The following CLSPN variants were observed in gnomAD, a reference collection of about 807,000 sequenced individuals.
CLSPN encodes the protein claspin homolog.
Under a neutral mutation model 156.3 loss-of-function variants are expected in CLSPN, and 85 were observed. The ratio of observed to expected loss-of-function variants is 0.54; its 90% CI spans 0.46 to 0.65. The LOEUF (loss-of-function observed/expected upper bound fraction) is 0.65, where lower values mean the gene tolerates loss of function less well. Among genes scored for constraint, CLSPN ranks in the 30% least tolerant of loss-of-function variants. CLSPN has a pLI of 0.00. For synonymous variants in CLSPN, 534 were observed against 542.4 expected (o/e 0.98, Z 0.22); for missense variants, 1,407 against 1,554.9 (o/e 0.90, Z 1.60).
At position 35,760,646 on chromosome 1, in the gene CLSPN, G is replaced by A; in HGVS notation, c.1275C>T (p.Ser425=). Residue 425 remains serine (S), a synonymous_variant, in exon 8 of 25, where the codon AGC becomes AGT. Transcript: ENST00000318121. ...QSDIRPSPGD[S]SVLQQESNFL... ...AGTTGGATTCCTGTTGCAACACTGAGCTGTCCCCAGGTGAAGGTCTAATGT... is the reference window on the plus strand; with the variant it reads ...AGTTGGATTCCTGTTGCAACACTGAACTGTCCCCAGGTGAAGGTCTAATGT... The A allele has an allele frequency of 6.2e-7, 1 of 1,614,152 alleles. No individual in the cohort carries two copies. The highest frequency in any genetic ancestry group is 8.5e-7 in the Non-Finnish European group (1 of 1,180,032).
At position 35,724,003 on chromosome 1, in the gene CLSPN, T is replaced by C. The variant is rs189632068; in HGVS notation, c.3910-3023A>G. Among the ~76,000 whole-genome samples, 50 of 152,022 alleles carry C rather than the reference T, an allele frequency of 3.3e-4. 1 individual carries two copies. Among genetic ancestry groups the C allele is most frequent in the Admixed American group, 2.6e-3 (40 of 15,266 alleles). ...CAGACCCTGTCTCAAAGAAAAGGAA[T>C]AGACAGAAGAGTGGGCTATAACAAT... On this transcript the variant is annotated intron_variant, in intron 24 of 24. Transcript: ENST00000251195.
rs778356330 is a variant in CLSPN, at chr1:35,745,544, G to T, written c.2873C>A (p.Ser958Ter). The T allele has an allele frequency of 8.7e-5, 140 of 1,613,180 alleles. No homozygotes were observed. ...FTSQDASTPA[S>*]SELNKQEKES... is the part of the protein sequence containing the mutation. ...CTTCTCCTGTTTATTTAACTCTGATGAGGCTGGAGTGGAGGCATCTACATC... is the reference window on the plus strand; with the variant it reads ...CTTCTCCTGTTTATTTAACTCTGATTAGGCTGGAGTGGAGGCATCTACATC... The change falls in exon 16 of 25, where the codon TCA becomes TAA. Residue 958 changes from serine (S) to a stop codon, truncating the protein, a stop_gained. Coordinates refer to ENST00000318121, the MANE Select transcript of CLSPN (RefSeq NM_022111.4). LOFTEE classifies it high-confidence loss of function.
Position 35,738,461 on chromosome 1 carries a change from C to A in CLSPN, c.3552G>T (p.Arg1184=), listed in dbSNP as rs1442341756. 1.2e-5 allele frequency: 19 copies of A among 1,613,626 alleles called. No individual in the cohort carries two copies. Among genetic ancestry groups the A allele is most frequent in the Non-Finnish European group, 1.5e-5 (18 of 1,179,784 alleles). The change falls in exon 21 of 25, where the codon CGG becomes CGT. Residue 1184 remains arginine, a synonymous_variant. Coordinates refer to ENST00000318121, the MANE Select transcript of CLSPN (RefSeq NM_022111.4). ...AGAGTAGGTGAACTCCTACCATGTC[C>A]CGAAGCCACTGCTCTCGTTCAATTC... The part of the protein sequence containing the change: ...KERIEREQWL[R]DMAQQGKITA...
chr1:35,729,420 C>T (rs958056129), downstream of CLSPN, among the ~76,000 whole-genome samples: 39 of 152,174 alleles, frequency 2.6e-4, no homozygotes, highest in African/African-American at 9.2e-4. Flanking sequence ...CTCCCTTTTC[C>T]CATTATGAAT....
In CLSPN at chr1:35,735,177, T is replaced by C. The variant is rs7530222; in HGVS notation, c.*1319A>G. 0.099 allele frequency: 97,885 copies of C among 985,220 alleles called. 8,517 individuals carry two copies. Among genetic ancestry groups the C allele is most frequent in the East Asian group, 0.71 (6,221 of 8,806 alleles). 61.0% of individuals were successfully genotyped at this position (985,220 alleles called of 1,614,324 possible). A position where few individuals can be genotyped will look rare whatever the true frequency, so the allele number is the denominator to read the frequency against. On this transcript the variant is annotated 3_prime_UTR_variant, in exon 25 of 25. Transcript: ENST00000318121. The stretch of plus-strand genomic sequence containing the variant: ...TGAGAATTCAGTCCCAGGAAGGGTC[T>C]CTCTGCCCCACAGACTGTGGTGGAC...
intron 24 of CLSPN, 90 bp downstream of exon 24, chr1:35,736,824 G>A (rs1641490944): frequency 6.9e-7 from 1 of 1,443,224 alleles, no homozygotes; most frequent in African/African-American, 1.4e-5. Context: ...TTGCAGCATA[G>A]AGGTTAAGCC....
rs778141173 is a variant in CLSPN, at chr1:35,749,698, A to C, written c.2142T>G (p.Ser714=). Reference sequence around the variant, plus strand: ...AATCTGATGAGAGAGACTTGGGAACAGAGAGGAAGCCAACTGCCTTGCCAA... The same window carrying C: ...AATCTGATGAGAGAGACTTGGGAACCGAGAGGAAGCCAACTGCCTTGCCAA... The part of the protein sequence containing the change: ...SEIGKAVGFL[S]VPKSLSSDST... Residue 714 remains serine, a synonymous_variant, in exon 11 of 25, where the codon TCT becomes TCG. Coordinates refer to ENST00000318121, the MANE Select transcript of CLSPN (RefSeq NM_022111.4). The C allele has an allele frequency of 2.5e-6, 4 of 1,614,076 alleles. No individual in the cohort carries two copies. The highest frequency in any genetic ancestry group is 3.4e-6 in the Non-Finnish European group (4 of 1,180,016).
intron 22 of CLSPN, 64 bp downstream of exon 22, chr1:35,737,928 C>T: frequency 1.1e-6 from 1 of 882,042 alleles, no homozygotes; most frequent in Non-Finnish European, 1.7e-6. Flanking sequence ...AGGTTAGAGT[C>T]ACCTCCAAAG....
At chr1:35,756,363 G>A (rs1356372415) in intron 8 of CLSPN, among the ~76,000 whole-genome samples, 1 of 152,150 alleles carries the variant, frequency 6.6e-6, no homozygotes, top group African/African-American at 2.4e-5. Flanking sequence ...TAGTAGTCAG[G>A]CAAGAGGTAT....
At chr1:35,751,154 T>C in intron 10 of CLSPN, 96 bp downstream of exon 10, 4 of 1,488,734 alleles carry the variant, frequency 2.7e-6, no homozygotes, top group Non-Finnish European at 3.6e-6. Flanking sequence ...AAACCTCTTA[T>C]ACAATTGAAC....
At position 35,736,388 on chromosome 1, in the gene CLSPN, T is replaced by C. The variant is rs1641472569; in HGVS notation, c.*108A>G. 6.9e-7 allele frequency: 1 copy of C among 1,441,300 alleles called. No homozygotes were observed. Among genetic ancestry groups the C allele is most frequent in the Admixed American group, 2.7e-5 (1 of 37,418 alleles). 89.3% of individuals were successfully genotyped at this position (1,441,300 alleles called of 1,614,324 possible). On this transcript the variant is annotated 3_prime_UTR_variant, in exon 25 of 25. Coordinates refer to ENST00000318121, the MANE Select transcript of CLSPN (RefSeq NM_022111.4). ...AATTTCTGTCTGCAATCTTATTGCA[T>C]TGATTATGAAAGAAGGAAGGATCAT...
At chr1:35,726,914 C>A (rs1043533555) in intron 24 of CLSPN, among the ~76,000 whole-genome samples, 1 of 152,130 alleles carries the variant, frequency 6.6e-6, no homozygotes, top group African/African-American at 2.4e-5. Context: ...GGTGAACACC[C>A]TAAGGGAGGT....
chr1:35,756,554 A>G (rs967606297), intron 8 of CLSPN, among the ~76,000 whole-genome samples: 2 of 151,994 alleles, frequency 1.3e-5, no homozygotes, highest in African/African-American at 4.8e-5. Context: ...CTCATCCTCC[A>G]TCACCTCTCA....
Position 35,763,323 on chromosome 1 carries a change from TA to T in CLSPN, c.583-3del. On this transcript the variant is annotated splice_polypyrimidine_tract_variant and splice_region_variant and intron_variant, in intron 3 of 24. Transcript: ENST00000318121. ...AAATGGCTGTTCTACATCATCTTCC[TA>T]AGTAATACATAAACAAAAAGCATAA... The T allele has an allele frequency of 1.3e-6, 2 of 1,576,208 alleles. No homozygotes were observed. The highest frequency in any genetic ancestry group is 3.7e-4 in the Middle Eastern group (2 of 5,340).
In CLSPN at chr1:35,763,195, T is replaced by G. The variant is rs1469466283; in HGVS notation, c.709A>C (p.Arg237=). The change falls in exon 4 of 25, where the codon AGA becomes CGA. Residue 237 remains arginine, a synonymous_variant. Coordinates refer to ENST00000318121, the MANE Select transcript of CLSPN (RefSeq NM_022111.4). ...TTTACTTTGTTTTTTACAGCTGCTC[T>G]TATTGATTCTAATGACTCTTCATCT... ...LEDEESLESI[R]AAVKNKVKKH... 2 of 1,599,312 alleles carry G rather than the reference T, an allele frequency of 1.3e-6. No homozygotes were observed. The highest frequency in any genetic ancestry group is 1.4e-5 in the African/African-American group (1 of 73,936).
Position 35,734,652 on chromosome 1 carries a change from TA to T in CLSPN, c.*1843del. On this transcript the variant is annotated 3_prime_UTR_variant, in exon 25 of 25. Coordinates refer to ENST00000318121, the MANE Select transcript of CLSPN (RefSeq NM_022111.4). ...GAGATCATGCCATTGTATTCCAGCC[TA>T]GGTGACAGAGCCAGCCTATGTCTCA... The T allele has an allele frequency of 1.6e-6, 1 of 617,944 alleles. No homozygotes were observed. The highest frequency in any genetic ancestry group is 2.0e-6 in the Non-Finnish European group (1 of 511,506). The allele number at this position is 617,944 out of a possible 1,614,324, so 38.3% of individuals were successfully genotyped here.
intron 1 of CLSPN, among the ~76,000 whole-genome samples, chr1:35,767,449 A>G (rs1642714487): frequency 1.3e-5 from 2 of 152,348 alleles, no homozygotes; most frequent in South Asian, 4.1e-4. Flanking sequence ...TGACTTGAAA[A>G]TACAGGTTGA....
intron 3 of CLSPN, 140 bp downstream of exon 3, chr1:35,764,126 C>A: frequency 3.2e-6 from 2 of 626,582 alleles, no homozygotes; most frequent in South Asian, 4.2e-5. Context: ...AAATCACATA[C>A]CTATTGAGAA....
rs1641617678 is a variant in CLSPN at position 35,739,455 on chromosome 1, C to A, written c.3218G>T (p.Gly1073Val). 2 of 1,613,838 alleles carry A rather than the reference C, an allele frequency of 1.2e-6. No homozygotes were observed. Among genetic ancestry groups the A allele is most frequent in the Admixed American group, 3.3e-5 (2 of 59,982 alleles). ...SDVGSEDEYD[G>V]EEIDEYEEDV... is the part of the protein sequence containing the mutation. Reference sequence around the variant, plus strand: ...CTCTTCATATTCATCAATTTCTTCCCCATCATACTCATCTTCGCTTCCCAC... The same window carrying A: ...CTCTTCATATTCATCAATTTCTTCCACATCATACTCATCTTCGCTTCCCAC... The change falls in exon 19 of 25, where the codon GGG becomes GTG. Residue 1073 changes from glycine (G) to valine (V), a missense_variant. Coordinates refer to ENST00000318121, the MANE Select transcript of CLSPN (RefSeq NM_022111.4).
Sources: allele counts gnomAD v4.1 joint callset (sites outside exome capture counted in the v4.1 genomes callset), GRCh38; gene constraint gnomAD v4.1.1; transcripts MANE v1.5; gene names NCBI Gene and HGNC (gene_info 2026-07-23, HGNC 2026-07-21).